The following SYT14 variants were observed in gnomAD, a reference collection of about 807,000 sequenced individuals.
SYT14 encodes the protein synaptotagmin-14.
SYT14 carries 32 observed loss-of-function variants against 74.2 expected under a neutral mutation model. That is an observed-to-expected ratio of 0.43 (90% CI 0.33 to 0.58). SYT14 has a LOEUF of 0.58. Ranked by LOEUF, SYT14 falls within the 20% of genes least tolerant of loss-of-function variation. The pLI is 0.05. For synonymous variants in SYT14, 298 were observed against 337.7 expected (o/e 0.88, Z 1.29); for missense variants, 791 against 981.8 (o/e 0.81, Z 2.60).
At chr1:210,161,652 A>G in exon 10 of SYT14, 1 of 453,654 alleles carries the variant, frequency 2.2e-6, no homozygotes, top group Non-Finnish European at 4.4e-6. Context: ...ACAAGTATTC[A>G]TTTTCATACA....
intron 1 of SYT14, among the ~76,000 whole-genome samples, chr1:209,952,201 TA>T (rs200579424): frequency 0.023 from 3,494 of 152,296 alleles, 56 homozygotes; most frequent in Non-Finnish European, 0.033. Context: ...ATAATCAAAA[TA>T]TTTTTTAAAG....
In SYT14 at chr1:210,159,136, T is replaced by A. The variant is rs1450284681; in HGVS notation, c.2225-285T>A. On this transcript the variant is annotated intron_variant, in intron 8 of 9. Coordinates refer to ENST00000637265, the Ensembl canonical transcript of SYT14. ...TCTGATAATATGCATGATTCTATGT[T>A]CAATGTGCTTTAGACCAAGAAGATA... is the stretch of plus-strand genomic sequence containing the variant. Among the ~76,000 whole-genome samples the A allele has an allele frequency of 4.6e-5, 7 of 152,178 alleles. No individual in the cohort carries two copies. In the East Asian group the frequency reaches 1.3e-3, roughly 29 times the overall value.
At chr1:210,112,651 A>T (rs1259751480) in intron 7 of SYT14, among the ~76,000 whole-genome samples, 1 of 151,346 alleles carries the variant, frequency 6.6e-6, no homozygotes, top group African/African-American at 2.5e-5. Flanking sequence ...GCCCTGAGCG[A>T]TGGGATCTGA....
At position 210,037,055 on chromosome 1, in the gene SYT14, C is replaced by T. The variant is rs187606331; in HGVS notation, c.1312+15801C>T. 1.4e-4 allele frequency among the ~76,000 whole-genome samples: 22 copies of T among 151,990 alleles called. 1 individual carries two copies. Among genetic ancestry groups the T allele is most frequent in the Admixed American group, 1.4e-3 (21 of 15,224 alleles). The stretch of plus-strand genomic sequence containing the variant: ...CATTTGGCTGTGAATTTATCTGGTC[C>T]TGGGCTTTTTTGTTGTTGTTGGGAG... On this transcript the variant is annotated intron_variant, in intron 5 of 9. Coordinates refer to ENST00000637265, the Ensembl canonical transcript of SYT14.
intron 5 of SYT14, among the ~76,000 whole-genome samples, chr1:210,076,683 G>T (rs2081506858): frequency 6.6e-6 from 1 of 152,134 alleles, no homozygotes. Context: ...TAGAATCATG[G>T]CAGAAGAAAA....
intron 2 of SYT14, among the ~76,000 whole-genome samples, chr1:209,992,890 G>A (rs1387275790): frequency 6.6e-6 from 1 of 152,136 alleles, no homozygotes; most frequent in East Asian, 1.9e-4. Flanking sequence ...AGGTGGGGAA[G>A]CTGGGAACAC....
At chr1:210,166,495 AG>A (rs1286864767) in exon 10 of SYT14, 1 of 152,286 alleles carries the variant, frequency 6.6e-6, no homozygotes, top group Non-Finnish European at 1.5e-5. Context: ...GAGCCTGGCA[AG>A]TCAAGGCTGC....
Position 210,078,036 on chromosome 1 carries a change from C to T in SYT14, c.1313-16286C>T, listed in dbSNP as rs183507110. ...CATAAAAATATGCATCTAGGCCGGG[C>T]GCGGTGGCTCACGCCTGTAATCCCA... On this transcript the variant is annotated intron_variant, in intron 5 of 9. Transcript: ENST00000637265. Among the ~76,000 whole-genome samples, 437 of 152,238 alleles carry T rather than the reference C, an allele frequency of 2.9e-3. 3 individuals carry two copies. The highest frequency in any genetic ancestry group is 9.6e-3 in the African/African-American group (399 of 41,560).
intron 7 of SYT14, among the ~76,000 whole-genome samples, chr1:210,129,346 A>T (rs997399822): frequency 1.3e-5 from 2 of 152,192 alleles, no homozygotes; most frequent in Non-Finnish European, 1.5e-5. Flanking sequence ...CAGGTTTCAC[A>T]TAATGGCCGT....
At chr1:210,086,244 A>G (rs1362713840) in intron 5 of SYT14, among the ~76,000 whole-genome samples, 1 of 152,178 alleles carries the variant, frequency 6.6e-6, no homozygotes, top group African/African-American at 2.4e-5. Flanking sequence ...TTAAGCTGGT[A>G]TCTACCAGGT....
chr1:210,069,748 G>A (rs1042268489), intron 5 of SYT14, among the ~76,000 whole-genome samples: 1 of 151,138 alleles, frequency 6.6e-6, no homozygotes, highest in African/African-American at 2.4e-5. Context: ...TTATTTGAAC[G>A]TGTTTTTGCT....
At chr1:209,957,264 T>C (rs933563227) in intron 2 of SYT14, among the ~76,000 whole-genome samples, 1 of 152,160 alleles carries the variant, frequency 6.6e-6, no homozygotes, top group Non-Finnish European at 1.5e-5. Flanking sequence ...TTTCTCTTCC[T>C]TTGTTTACAC....
At chr1:209,948,446 A>G (rs1422210381) in intron 1 of SYT14, among the ~76,000 whole-genome samples, 2 of 152,188 alleles carry the variant, frequency 1.3e-5, no homozygotes, top group Non-Finnish European at 2.9e-5. Context: ...TTGCTCCTGC[A>G]TGGGTTTGCC....
chr1:210,170,099 A>G (rs2083508007), exon 10 of SYT14: 1 of 152,142 alleles, frequency 6.6e-6, no homozygotes, highest in African/African-American at 2.4e-5. Flanking sequence ...CCGTGAGCAA[A>G]ACTCTTATCA....
At chr1:209,950,703 T>C (rs987226512) in intron 1 of SYT14, among the ~76,000 whole-genome samples, 2 of 152,200 alleles carry the variant, frequency 1.3e-5, no homozygotes, top group African/African-American at 2.4e-5. Context: ...TTAGCTTGCT[T>C]CTCAGATGAC....
intron 1 of SYT14, among the ~76,000 whole-genome samples, chr1:209,948,126 C>T (rs567022037): frequency 6.6e-6 from 1 of 152,310 alleles, no homozygotes; most frequent in African/African-American, 2.4e-5. Flanking sequence ...GCGATATACA[C>T]TTTATTGCAG....
At position 209,954,802 on chromosome 1, in the gene SYT14, T is replaced by C. The variant is rs143416605; in HGVS notation, c.-486+2046T>C. Among the ~76,000 whole-genome samples the C allele has an allele frequency of 1.9e-3, 291 of 151,812 alleles. 1 individual carries two copies. Among genetic ancestry groups the C allele is most frequent in the Middle Eastern group, 3.4e-3 (1 of 294 alleles). ...CCCACTGCAACCTCTGCCTCCTGGGTTCAAGCTATTCTCATGCCTCAGCCT... is the reference window on the plus strand; with the variant it reads ...CCCACTGCAACCTCTGCCTCCTGGGCTCAAGCTATTCTCATGCCTCAGCCT... On this transcript the variant is annotated intron_variant, in intron 2 of 9. Coordinates refer to ENST00000637265, the Ensembl canonical transcript of SYT14.
At chr1:210,096,237 TTA>T (rs1454312708) in intron 6 of SYT14, among the ~76,000 whole-genome samples, 6 of 152,318 alleles carry the variant, frequency 3.9e-5, no homozygotes, top group African/African-American at 1.4e-4. Flanking sequence ...AACAACTATA[TTA>T]TATTGCCTTT....
intron 2 of SYT14, among the ~76,000 whole-genome samples, chr1:209,997,151 A>AG (rs957948587): frequency 9.3e-6 from 1 of 106,958 alleles, no homozygotes; most frequent in Non-Finnish European, 1.8e-5. Context: ...GCATCCAGAT[A>AG]GGGAAAAAAA....
Sources: allele counts gnomAD v4.1 joint callset (sites outside exome capture counted in the v4.1 genomes callset), GRCh38; gene constraint gnomAD v4.1.1; transcripts MANE v1.5; gene names NCBI Gene and HGNC (gene_info 2026-07-23, HGNC 2026-07-21).